POSTN: variants seen among roughly 807,000 people sequenced by gnomAD.
POSTN encodes the protein osteoblast specific factor 2 (fasciclin I-like).
POSTN carries 71 observed loss-of-function variants against 104.5 expected under a neutral mutation model. The observed-to-expected ratio is 0.68, with a 90% CI of 0.56 to 0.83. The LOEUF (loss-of-function observed/expected upper bound fraction) is 0.83. POSTN is among the 40% of genes least tolerant of loss of function. The probability of loss-of-function intolerance (pLI) is 0.00; values close to 1 mark genes in which losing one functional copy is unlikely to be tolerated. For synonymous variants in POSTN, 355 were observed against 340.7 expected, an observed-to-expected ratio of 1.04 and a Z score of -0.46; for missense variants, 949 against 1,006.8, an observed-to-expected ratio of 0.94 and a Z score of 0.78.
chr13:37,581,282 G>A (rs1221595793), intron 10 of POSTN, among the ~76,000 whole-genome samples: 1 of 152,182 alleles, frequency 6.6e-6, no homozygotes, highest in Admixed American at 6.5e-5. Context: ...GCTGACATGT[G>A]CCAGATTCAG....
chr13:37,583,583 C>A (rs1950663407), intron 9 of POSTN, among the ~76,000 whole-genome samples: 1 of 151,692 alleles, frequency 6.6e-6, no homozygotes, highest in Admixed American at 6.6e-5. Flanking sequence ...CACCACCACA[C>A]CTGGCTAATT....
chr13:37,564,644 A>G (rs986522219), intron 21 of POSTN, 84 bp from the exon 22 acceptor site: 1 of 739,550 alleles, frequency 1.4e-6, no homozygotes, highest in Non-Finnish European at 2.4e-6. Flanking sequence ...AGAACAGTGT[A>G]AAGTCTTAAA....
Position 37,578,909 on chromosome 13 carries a change from T to C in POSTN, c.1897A>G (p.Thr633Ala), listed in dbSNP as rs757406771. Residue 633 changes from threonine (T) to alanine (A), a missense_variant and splice_region_variant, in exon 15 of 23, where the codon ACA becomes GCA. Transcript: ENST00000379747. The stretch of plus-strand genomic sequence containing the variant: ...AGCAGTTGATCATTTCCAACAGGTG[T>C]GTCTATGAAGAGAAATATTAAATGA... The part of the protein sequence containing the change: ...VVDKLLYPAD[T>A]PVGNDQLLEI... 68 of 1,596,368 alleles carry C rather than the reference T, an allele frequency of 4.3e-5. No individual in the cohort carries two copies. Among genetic ancestry groups the C allele is most frequent in the Non-Finnish European group, 5.3e-5 (62 of 1,175,402 alleles).
intron 15 of POSTN, among the ~76,000 whole-genome samples, chr13:37,578,621 C>T (rs1950483495): frequency 6.6e-6 from 1 of 151,528 alleles, no homozygotes; most frequent in South Asian, 2.1e-4. Flanking sequence ...CACAGTGAAA[C>T]CCCATCTCTC....
At chr13:37,585,359 C>G (rs200032317) in intron 7 of POSTN, among the ~76,000 whole-genome samples, 1 of 118,402 alleles carries the variant, frequency 8.4e-6, no homozygotes, top group South Asian at 2.3e-4. Flanking sequence ...ATGAGAAACA[C>G]AGCAAGATCC....
chr13:37,596,181 T>C (rs1018488724), intron 2 of POSTN, among the ~76,000 whole-genome samples: 1 of 152,200 alleles, frequency 6.6e-6, no homozygotes, highest in Non-Finnish European at 1.5e-5. Flanking sequence ...TTAGGGTAAC[T>C]GAATTTTAAT....
chr13:37,597,301 G>A lies in POSTN; in HGVS notation c.120-19C>T, dbSNP rs1951113936. ...ATTTGGGCTGGAGGATAGAGGGAAA[G>A]GAAAAAAGTTAATGTCCTAATAATG... On this transcript the variant is annotated intron_variant, in intron 1 of 22. Coordinates refer to ENST00000379747, the MANE Select transcript of POSTN (RefSeq NM_006475.3). The A allele has an allele frequency of 6.6e-7, 1 of 1,516,544 alleles. No homozygotes were observed. Among genetic ancestry groups the A allele is most frequent in the Admixed American group, 2.1e-5 (1 of 46,816 alleles). 93.9% of individuals were successfully genotyped at this position (1,516,544 alleles called of 1,614,324 possible).
At chr13:37,578,288 A>G (rs1040639147) in intron 15 of POSTN, among the ~76,000 whole-genome samples, 4 of 152,194 alleles carry the variant, frequency 2.6e-5, no homozygotes, top group African/African-American at 4.8e-5. Context: ...CATATTTTTC[A>G]TAACACTTTA....
chr13:37,589,293 G>C (rs1950854195), intron 4 of POSTN, among the ~76,000 whole-genome samples: 1 of 152,116 alleles, frequency 6.6e-6, no homozygotes, highest in African/African-American at 2.4e-5. Flanking sequence ...CATTTAAAGA[G>C]CAGAGTCAAG....
At chr13:37,588,915 C>T (rs1344201732) in intron 4 of POSTN, among the ~76,000 whole-genome samples, 1 of 152,032 alleles carries the variant, frequency 6.6e-6, no homozygotes, top group Admixed American at 6.6e-5. Context: ...TGGTAATGTA[C>T]AGCAGAAATT....
chr13:37,592,390 T>C (rs1452238545), intron 2 of POSTN, among the ~76,000 whole-genome samples: 3 of 152,110 alleles, frequency 2.0e-5, no homozygotes, highest in East Asian at 1.9e-4. Flanking sequence ...GCTCCGCCTC[T>C]CGGGTTCACG....
intron 21 of POSTN, among the ~76,000 whole-genome samples, chr13:37,565,951 G>A (rs1950088288): frequency 6.6e-6 from 1 of 152,156 alleles, no homozygotes; most frequent in Admixed American, 6.5e-5. Context: ...CCAAATAGCA[G>A]TTAATTGTAT....
At chr13:37,574,515 A>C in intron 17 of POSTN, 57 bp downstream of exon 17, 2 of 1,522,276 alleles carry the variant, frequency 1.3e-6, no homozygotes, top group East Asian at 2.4e-5. Context: ...CATAGAGATC[A>C]GTATTTTTAC....
intron 21 of POSTN, among the ~76,000 whole-genome samples, chr13:37,568,057 C>A (rs1035850837): frequency 5.9e-5 from 9 of 151,866 alleles, no homozygotes; most frequent in African/African-American, 2.2e-4. Context: ...TTGTCTCTTC[C>A]CTCAAATCCT....
chr13:37,574,715 T>A, intron 16 of POSTN, 63 bp from the exon 17 acceptor site: 1 of 1,487,668 alleles, frequency 6.7e-7, no homozygotes, highest in Non-Finnish European at 8.9e-7. Context: ...AAGGTTTTTT[T>A]TTTTTTTCCT....
chr13:37,590,344 A>G, intron 4 of POSTN, 28 bp downstream of exon 4: 1 of 1,481,522 alleles, frequency 6.7e-7, no homozygotes, highest in Non-Finnish European at 9.1e-7. Flanking sequence ...AGCAAAAAAT[A>G]AATATATTGA....
At chr13:37,579,823 A>C (rs940652955) in intron 12 of POSTN, 38 bp downstream of exon 12, 2 of 1,592,374 alleles carry the variant, frequency 1.3e-6, no homozygotes, top group Non-Finnish European at 1.7e-6. Context: ...GAGATCCTGA[A>C]ATGAAAGGGA....
chr13:37,574,764 G>A (rs1445870220), intron 16 of POSTN, 112 bp from the exon 17 acceptor site: 2 of 1,308,284 alleles, frequency 1.5e-6, no homozygotes, highest in Non-Finnish European at 2.0e-6. Flanking sequence ...GGCACAGGAT[G>A]TGGTAATATG....
intron 17 of POSTN, among the ~76,000 whole-genome samples, chr13:37,574,231 C>A (rs1468444545): frequency 1.3e-5 from 2 of 151,068 alleles, no homozygotes; most frequent in Non-Finnish European, 3.0e-5. Context: ...GCAAACAAAG[C>A]AACATAAAGA....
Sources: gnomAD v4.1 joint callset for allele counts (sites outside exome capture counted in the v4.1 genomes callset) on GRCh38, gnomAD v4.1.1 for gene constraint, MANE v1.5 for transcripts, NCBI Gene and HGNC (gene_info 2026-07-23, HGNC 2026-07-21) for gene names.